The following CMTM8 variants were observed in gnomAD, a reference collection of about 807,000 sequenced individuals.
CMTM8 encodes CKLF like MARVEL transmembrane domain containing 8.
A neutral mutation model predicts 18.6 loss-of-function variants in CMTM8; 12 were observed. That is an observed-to-expected ratio of 0.65 (90% CI 0.41 to 1.05). The LOEUF (loss-of-function observed/expected upper bound fraction) is 1.05. CMTM8 is among the 50% of genes least tolerant of loss of function. The pLI, the probability that CMTM8 is intolerant of heterozygous loss-of-function variation, is 0.00. For missense variants in CMTM8, 217 were observed against 227.2 expected, an observed-to-expected ratio of 0.95 and a Z score of 0.29; for synonymous variants, 87 against 90.6, an observed-to-expected ratio of 0.96 and a Z score of 0.23.
chr3:32,280,691 G>C (rs554326620), intron 1 of CMTM8, among the ~76,000 whole-genome samples: 79 of 152,010 alleles, frequency 5.2e-4, no homozygotes, highest in African/African-American at 1.8e-3. Context: ...AAAGTGCCAA[G>C]AACCTGGATG....
At chr3:32,263,547 C>G (rs955723369) in intron 1 of CMTM8, among the ~76,000 whole-genome samples, 2 of 152,200 alleles carry the variant, frequency 1.3e-5, no homozygotes, top group African/African-American at 4.8e-5. Context: ...GAGCGCCTCT[C>G]CTCCTCCAAA....
chr3:32,248,667 G>GTTT (rs77008510), intron 1 of CMTM8, among the ~76,000 whole-genome samples: 2 of 143,512 alleles, frequency 1.4e-5, no homozygotes, highest in Non-Finnish European at 1.5e-5. Flanking sequence ...CCTGGCCCAT[G>GTTT]TTTTTTTTTT....
chr3:32,367,547 G>A (rs60400591), intron 2 of CMTM8, among the ~76,000 whole-genome samples: 3,353 of 152,252 alleles, frequency 0.022, 128 homozygotes, highest in African/African-American at 0.073. Flanking sequence ...CGCCACTGCT[G>A]CCTGCCATCC....
intron 1 of CMTM8, among the ~76,000 whole-genome samples, chr3:32,314,720 A>C (rs1477017009): frequency 6.6e-6 from 1 of 151,990 alleles, no homozygotes; most frequent in Non-Finnish European, 1.5e-5. Context: ...CAAGGGATCC[A>C]CTTGTCTTGG....
At chr3:32,361,795 C>T (rs1696937036) in intron 2 of CMTM8, among the ~76,000 whole-genome samples, 1 of 152,184 alleles carries the variant, frequency 6.6e-6, no homozygotes, top group African/African-American at 2.4e-5. Flanking sequence ...TCCTGGGCTA[C>T]AACTGTTATG....
At chr3:32,277,865 A>C (rs1559368047) in intron 1 of CMTM8, among the ~76,000 whole-genome samples, 1 of 152,220 alleles carries the variant, frequency 6.6e-6, no homozygotes, top group Non-Finnish European at 1.5e-5. Flanking sequence ...CTTTGGAGCC[A>C]AGAAGTGGCT....
chr3:32,312,125 C>T (rs561305591), intron 1 of CMTM8, among the ~76,000 whole-genome samples: 15 of 152,216 alleles, frequency 9.9e-5, no homozygotes, highest in African/African-American at 3.4e-4. Flanking sequence ...GGCATTGTTA[C>T]GTTAATTTAT....
intron 1 of CMTM8, among the ~76,000 whole-genome samples, chr3:32,323,385 G>C (rs1696097186): frequency 6.6e-6 from 1 of 152,122 alleles, no homozygotes; most frequent in Non-Finnish European, 1.5e-5. Context: ...ATCTTATGTA[G>C]TTTACAAAAA....
intron 1 of CMTM8, among the ~76,000 whole-genome samples, chr3:32,290,406 G>A (rs1217583544): frequency 6.6e-6 from 1 of 152,224 alleles, no homozygotes; most frequent in African/African-American, 2.4e-5. Context: ...ATTGTAAGAT[G>A]TCAGTTCCTA....
intron 3 of CMTM8, among the ~76,000 whole-genome samples, chr3:32,369,371 C>T (rs1695600281): frequency 6.6e-6 from 1 of 152,104 alleles, no homozygotes; most frequent in Non-Finnish European, 1.5e-5. Context: ...AAATCACAAG[C>T]TTCGTCAAGA....
intron 1 of CMTM8, among the ~76,000 whole-genome samples, chr3:32,318,495 A>G (rs1695973665): frequency 6.6e-6 from 1 of 151,456 alleles, no homozygotes. Flanking sequence ...TTTTTATCTT[A>G]TTGTGAGAAA....
chr3:32,249,943 G>A (rs1240632234), intron 1 of CMTM8, among the ~76,000 whole-genome samples: 1 of 152,106 alleles, frequency 6.6e-6, no homozygotes, highest in Non-Finnish European at 1.5e-5. Context: ...TGTCATATCT[G>A]AGAAGGCTTT....
At chr3:32,259,874 A>G (rs1227958276) in intron 1 of CMTM8, 7 of 884,378 alleles carry the variant, frequency 7.9e-6, no homozygotes, top group Non-Finnish European at 1.3e-5. Flanking sequence ...CCTGGACTCC[A>G]TGAGAAATGT....
intron 1 of CMTM8, among the ~76,000 whole-genome samples, chr3:32,332,788 A>G (rs575199764): frequency 6.6e-6 from 1 of 152,260 alleles, no homozygotes; most frequent in Admixed American, 6.5e-5. Context: ...GACTTGGGAA[A>G]AGAGTTACCT....
chr3:32,263,369 A>G (rs1293403072), intron 1 of CMTM8, among the ~76,000 whole-genome samples: 4 of 152,248 alleles, frequency 2.6e-5, no homozygotes, highest in Non-Finnish European at 4.4e-5. Flanking sequence ...GCAAACTCCA[A>G]CAGACCTGCA....
chr3:32,265,177 C>T (rs1342518306), intron 1 of CMTM8, among the ~76,000 whole-genome samples: 2 of 152,118 alleles, frequency 1.3e-5, no homozygotes, highest in Non-Finnish European at 2.9e-5. Context: ...ACCGCACTTA[C>T]TCCAAAATTG....
intron 1 of CMTM8, among the ~76,000 whole-genome samples, chr3:32,355,291 C>T (rs1376946470): frequency 6.6e-6 from 1 of 152,194 alleles, no homozygotes; most frequent in African/African-American, 2.4e-5. Flanking sequence ...GAAAATTCAA[C>T]TCATGAACAA....
chr3:32,337,769 T>G (rs1696414031), intron 1 of CMTM8, among the ~76,000 whole-genome samples: 1 of 152,170 alleles, frequency 6.6e-6, no homozygotes, highest in Non-Finnish European at 1.5e-5. Context: ...CTGATCCTGC[T>G]GGCCTGGGAC....
chr3:32,293,153 C>T (rs1357390160), intron 1 of CMTM8, among the ~76,000 whole-genome samples: 1 of 151,900 alleles, frequency 6.6e-6, no homozygotes, highest in Non-Finnish European at 1.5e-5. Flanking sequence ...GGAGGCTGCC[C>T]TCACTTTGGC....
Sources: allele counts gnomAD v4.1 joint callset (sites outside exome capture counted in the v4.1 genomes callset), GRCh38; gene constraint gnomAD v4.1.1; transcripts MANE v1.5; gene names NCBI Gene and HGNC (gene_info 2026-07-23, HGNC 2026-07-21).